The following C16orf89 variants were observed in gnomAD, a reference collection of about 807,000 sequenced individuals.
C16orf89 encodes the protein UPF0764 protein C16orf89.
Under a neutral mutation model 41.5 loss-of-function variants are expected in C16orf89, and 57 were observed. That is an observed-to-expected ratio of 1.38 (90% CI 1.11 to 1.71). C16orf89 has a LOEUF of 1.71. Ranked by LOEUF, C16orf89 falls within the 40% of genes most tolerant of loss-of-function variation. C16orf89 has a pLI of 0.00. For synonymous variants in C16orf89, 223 were observed against 190.6 expected, an observed-to-expected ratio of 1.17 and a Z score of -1.40; for missense variants, 575 against 445.9, an observed-to-expected ratio of 1.29 and a Z score of -2.61.
chr16:5,063,862 C>T (rs532389854), intron 1 of C16orf89, among the ~76,000 whole-genome samples: 1 of 152,188 alleles, frequency 6.6e-6, no homozygotes, highest in South Asian at 2.1e-4. Context: ...CACGGTGGCT[C>T]ACGCCTGTAA....
chr16:5,044,702 G>A, intron 7 of C16orf89: 3 of 1,041,036 alleles, frequency 2.9e-6, no homozygotes, highest in Non-Finnish European at 4.0e-6. Flanking sequence ...AAATTAGCCA[G>A]GTATGGTGGC....
chr16:5,057,471 G>T (rs926107771), intron 4 of C16orf89, among the ~76,000 whole-genome samples: 2 of 146,896 alleles, frequency 1.4e-5, no homozygotes, highest in African/African-American at 5.0e-5. Flanking sequence ...ATATATACTG[G>T]TGTGTGTGTA....
chr16:5,047,779 C>T (rs1478704560), intron 7 of C16orf89, 99 bp downstream of exon 7: 3 of 750,296 alleles, frequency 4.0e-6, no homozygotes, highest in Admixed American at 2.1e-5. Context: ...TTGGTGATGC[C>T]AAGTGCTTTT....
At position 5,062,285 on chromosome 16, in the gene C16orf89, C is replaced by A. The variant is rs573996314; in HGVS notation, c.358+140G>T. 21 of 1,107,286 alleles carry A rather than the reference C, an allele frequency of 1.9e-5. No individual in the cohort carries two copies. In the African/African-American group the frequency reaches 3.2e-4, roughly 17 times the overall value. 68.6% of individuals were successfully genotyped at this position (1,107,286 alleles called of 1,614,324 possible). On this transcript the variant is annotated intron_variant, in intron 2 of 7. Transcript: ENST00000472572. ...GCACGTCCCCAGGGCTCGTCTGTGG[C>A]TTGCTCAGCAGACAGGTCCAAGTTG... is the stretch of plus-strand genomic sequence containing the variant.
intron 6 of C16orf89, 56 bp downstream of exon 6, chr16:5,055,190 G>C (rs1956469047): frequency 6.9e-7 from 1 of 1,442,472 alleles, no homozygotes; most frequent in Non-Finnish European, 9.5e-7. Context: ...TAGAAACTCA[G>C]AGCCACCCCC....
chr16:5,054,032 G>T (rs549984658), intron 6 of C16orf89, among the ~76,000 whole-genome samples: 2 of 152,266 alleles, frequency 1.3e-5, no homozygotes, highest in South Asian at 4.2e-4. Flanking sequence ...AAGTTCCACA[G>T]CCCCATCCCC....
chr16:5,053,451 G>C (rs1956434300), intron 6 of C16orf89, among the ~76,000 whole-genome samples: 1 of 152,036 alleles, frequency 6.6e-6, no homozygotes, highest in Non-Finnish European at 1.5e-5. Flanking sequence ...CCAGAGGTTG[G>C]TTAGGGGATG....
chr16:5,053,521 G>A (rs1180363908), intron 6 of C16orf89, among the ~76,000 whole-genome samples: 1 of 151,564 alleles, frequency 6.6e-6, no homozygotes, highest in Non-Finnish European at 1.5e-5. Context: ...TAGGGTGATT[G>A]CAAATAACAA....
At chr16:5,057,306 AGTGG>A (rs1956530099) in intron 4 of C16orf89, among the ~76,000 whole-genome samples, 1 of 141,696 alleles carries the variant, frequency 7.1e-6, no homozygotes, top group African/African-American at 2.6e-5. Context: ...ATATATATAT[AGTGG>A]TATATATATA....
intron 3 of C16orf89, among the ~76,000 whole-genome samples, chr16:5,060,026 G>C (rs935106263): frequency 5.3e-5 from 8 of 152,040 alleles, no homozygotes; most frequent in African/African-American, 1.7e-4. Flanking sequence ...TTGGGGATTT[G>C]TCCTGGGGCC....
downstream of C16orf89, chr16:5,044,032 A>G: frequency 1.3e-6 from 1 of 772,642 alleles, no homozygotes; most frequent in Non-Finnish European, 1.6e-6. Flanking sequence ...AGAAAAAAGA[A>G]TTTGTGTTGA....
intron 7 of C16orf89, 90 bp downstream of exon 7, chr16:5,047,788 T>G: frequency 1.3e-6 from 1 of 795,222 alleles, no homozygotes; most frequent in Non-Finnish European, 2.2e-6. Context: ...CCAAGTGCTT[T>G]TCTTCCATAG....
intron 1 of C16orf89, among the ~76,000 whole-genome samples, chr16:5,063,375 G>A (rs1325196438): frequency 1.3e-5 from 2 of 152,192 alleles, no homozygotes; most frequent in African/African-American, 4.8e-5. Flanking sequence ...TGCTGACAGG[G>A]AGGGGCTCCC....
chr16:5,062,395 G>T lies in C16orf89; in HGVS notation c.358+30C>A, dbSNP rs369412198. ...CAATATCCCCATAGGCGCTATTCCT[G>T]AGGGAATGGGACACCCTGCGTGTGC... On this transcript the variant is annotated intron_variant, in intron 2 of 7. Transcript: ENST00000472572. 7.4e-5 allele frequency: 118 copies of T among 1,586,944 alleles called. No individual in the cohort carries two copies. In the Middle Eastern group the frequency reaches 1.8e-3, roughly 25 times the overall value.
At chr16:5,051,315 C>G (rs1275696084) in intron 6 of C16orf89, among the ~76,000 whole-genome samples, 7 of 152,086 alleles carry the variant, frequency 4.6e-5, no homozygotes, top group Admixed American at 4.6e-4. Context: ...AAAAGCTCCA[C>G]CAAAAAAACT....
chr16:5,044,419 T>C lies in C16orf89; in HGVS notation c.1015A>G (p.Ile339Val). The change falls in exon 8 of 8, where the codon ATC becomes GTC. Residue 339 changes from isoleucine to valine, a missense_variant. By Grantham distance (29) the Ile-to-Val change is conservative (BLOSUM62 3). Transcript: ENST00000472572. Reference sequence around the variant, plus strand: ...TTTGCTGGGGGGTATTCTGCCAGGATGTATAGGAAGCCACCCAGGGCTGCC... The same window carrying C: ...TTTGCTGGGGGGTATTCTGCCAGGACGTATAGGAAGCCACCCAGGGCTGCC... Reference protein sequence around the residue: ...AVAALGGFLYILAEYPPANRE... With the variant: ...AVAALGGFLYVLAEYPPANRE... The C allele has an allele frequency of 6.2e-7, 1 of 1,612,850 alleles. No individual in the cohort carries two copies. The highest frequency in any genetic ancestry group is 8.5e-7 in the Non-Finnish European group (1 of 1,179,628).
At position 5,044,393 on chromosome 16, in the gene C16orf89, G is replaced by A. The variant is rs1369633516; in HGVS notation, c.1041C>T (p.Asn347=). 3 of 1,612,442 alleles carry A rather than the reference G, an allele frequency of 1.9e-6. No homozygotes were observed. The South Asian group carries it at 3.3e-5, about 18-fold the overall frequency. ...LYILAEYPPA[N]REPHPSTPPP... ...GCGGTGTGGATGGGTGTGGCTCTCT[G>A]TTTGCTGGGGGGTATTCTGCCAGGA... Residue 347 remains asparagine, a synonymous_variant, in exon 8 of 8, where the codon AAC becomes AAT. Coordinates refer to ENST00000472572, the MANE Select transcript of C16orf89 (RefSeq NM_001098514.3).
chr16:5,059,106 G>A (rs1275446221), intron 3 of C16orf89, among the ~76,000 whole-genome samples: 2 of 152,024 alleles, frequency 1.3e-5, no homozygotes, highest in African/African-American at 4.8e-5. Flanking sequence ...TGGGTGTGGT[G>A]GCACGTGCCT....
intron 7 of C16orf89, among the ~76,000 whole-genome samples, chr16:5,047,519 G>C (rs1258237874): frequency 6.6e-6 from 1 of 150,612 alleles, no homozygotes; most frequent in Non-Finnish European, 1.5e-5. Context: ...CTGGGCTGGA[G>C]TGCAGTGGTG....
Sources: allele counts gnomAD v4.1 joint callset (sites outside exome capture counted in the v4.1 genomes callset), GRCh38; gene constraint gnomAD v4.1.1; transcripts MANE v1.5; gene names NCBI Gene and HGNC (gene_info 2026-07-23, HGNC 2026-07-21).